Variants in PCDH11X observed in about 807,000 individuals in gnomAD.
PCDH11X encodes the protein protocadherin 11 X-linked, also known as protocadherin-11 X-linked.
PCDH11X carries 18 observed loss-of-function variants against 53.3 expected under a neutral mutation model. The ratio of observed to expected loss-of-function variants is 0.34; its 90% CI spans 0.23 to 0.50. PCDH11X has a LOEUF of 0.50. Ranked by LOEUF, PCDH11X falls within the 20% of genes least tolerant of loss-of-function variation. The pLI is 0.98. For missense variants in PCDH11X, 570 were observed against 1,032.4 expected (o/e 0.55, Z 6.14); for synonymous variants, 279 against 393.3 (o/e 0.71, Z 3.44).
chrX:91,823,173 G>A (rs1267873913), intron 4 of PCDH11X, among the ~76,000 whole-genome samples: 4 of 110,652 alleles, frequency 3.6e-5, no homozygotes, highest in South Asian at 7.8e-4. Flanking sequence ...GGAGAGTTCT[G>A]TAGATGTCTA....
chrX:92,533,473 GGA>G (rs764335372), intron 10 of PCDH11X, among the ~76,000 whole-genome samples: 1,294 of 99,404 alleles, frequency 0.013, 33 homozygotes, highest in African/African-American at 0.046. Flanking sequence ...ATTTCTAGGT[GGA>G]GAAAACAGCT....
At chrX:91,851,485 G>T (rs754692693) in intron 5 of PCDH11X, among the ~76,000 whole-genome samples, 6 of 111,432 alleles carry the variant, frequency 5.4e-5, no homozygotes, top group Admixed American at 4.8e-4. Context: ...ATTTTTATGA[G>T]TACATAGTAG....
chrX:92,308,742 A>G (rs780997073), intron 8 of PCDH11X, among the ~76,000 whole-genome samples: 1 of 111,513 alleles, frequency 9.0e-6, no homozygotes, highest in East Asian at 2.8e-4. Context: ...CATATATCTC[A>G]TAAGGAGTTG....
At chrX:92,082,141 T>C (rs1375605006) in intron 6 of PCDH11X, among the ~76,000 whole-genome samples, 1 of 111,028 alleles carries the variant, frequency 9.0e-6, no homozygotes, top group Non-Finnish European at 1.9e-5. Flanking sequence ...GACACCACAG[T>C]CTAACTCTTA....
intron 6 of PCDH11X, among the ~76,000 whole-genome samples, chrX:92,039,642 A>G (rs1409934184): frequency 8.9e-6 from 1 of 112,229 alleles, no homozygotes; most frequent in Middle Eastern, 4.2e-3. Flanking sequence ...GGGCAGGTTC[A>G]TAAATGTTAT....
intron 8 of PCDH11X, among the ~76,000 whole-genome samples, chrX:92,285,994 A>AT (rs1463931728): frequency 1.8e-5 from 2 of 112,625 alleles, no homozygotes; most frequent in Non-Finnish European, 3.8e-5. Flanking sequence ...CGCTCATGCT[A>AT]TTGTTTGTGG....
At chrX:92,464,616 A>ACACAATTTGT (rs2073122641) in intron 9 of PCDH11X, among the ~76,000 whole-genome samples, 5 of 110,919 alleles carry the variant, frequency 4.5e-5, no homozygotes, top group Non-Finnish European at 9.4e-5. Context: ...AAACTAATAC[A>ACACAATTTGT]GTAGCCTTAA....
intron 6 of PCDH11X, among the ~76,000 whole-genome samples, chrX:92,105,939 T>A (rs1488664117): frequency 2.7e-5 from 3 of 111,514 alleles, no homozygotes; most frequent in African/African-American, 9.8e-5. Context: ...AGTTAATCAT[T>A]CTTATTAGTT....
intron 6 of PCDH11X, among the ~76,000 whole-genome samples, chrX:92,107,300 T>C (rs2064405749): frequency 8.9e-6 from 1 of 112,273 alleles, no homozygotes; most frequent in Non-Finnish European, 1.9e-5. Flanking sequence ...GGCTGTGTCA[T>C]GGGCATGTCC....
At chrX:92,226,322 CA>C (rs898161820) in intron 7 of PCDH11X, among the ~76,000 whole-genome samples, 9 of 111,124 alleles carry the variant, frequency 8.1e-5, no homozygotes, top group Admixed American at 2.9e-4. Flanking sequence ...TTTGATTGGG[CA>C]AAAAGGGTAT....
At chrX:92,083,336 G>T (rs1429619012) in intron 6 of PCDH11X, among the ~76,000 whole-genome samples, 1 of 111,218 alleles carries the variant, frequency 9.0e-6, no homozygotes, top group Non-Finnish European at 1.9e-5. Flanking sequence ...TCACCCTACT[G>T]GTTAAGAGAA....
intron 10 of PCDH11X, among the ~76,000 whole-genome samples, chrX:92,553,329 G>T (rs1335378847): frequency 1.9e-5 from 2 of 107,673 alleles, no homozygotes; most frequent in Non-Finnish European, 3.9e-5. Context: ...CTTGGAATTT[G>T]TCTATTTCTT....
At chrX:92,011,381 G>A (rs35231860) in intron 6 of PCDH11X, among the ~76,000 whole-genome samples, 2,874 of 111,725 alleles carry the variant, frequency 0.026, 79 homozygotes, top group African/African-American at 0.083. Flanking sequence ...CCTCACCAAC[G>A]TGATATTTTT....
chrX:92,536,103 T>C (rs1420895582), intron 10 of PCDH11X, among the ~76,000 whole-genome samples: 1 of 108,950 alleles, frequency 9.2e-6, no homozygotes, highest in East Asian at 2.9e-4. Context: ...TTTTTCTATT[T>C]TTTTCTCTGT....
chrX:92,398,235 TA>T (rs1448899066), intron 9 of PCDH11X, among the ~76,000 whole-genome samples: 1 of 110,933 alleles, frequency 9.0e-6, no homozygotes, highest in African/African-American at 3.3e-5. Context: ...TGTGGCTAAG[TA>T]AAAAAACCTT....
At chrX:91,915,533 G>A (rs35781476) in intron 6 of PCDH11X, among the ~76,000 whole-genome samples, 15,293 of 110,284 alleles carry the variant, frequency 0.14, 856 homozygotes, top group East Asian at 0.24. Context: ...GCAACTAGGA[G>A]TAGCTATTCC....
At chrX:91,803,036 A>C (rs1463553582) in intron 1 of PCDH11X, among the ~76,000 whole-genome samples, 2 of 111,943 alleles carry the variant, frequency 1.8e-5, no homozygotes, top group Non-Finnish European at 3.8e-5. Flanking sequence ...TTCCTGAAAA[A>C]TGAAACACAG....
intron 6 of PCDH11X, among the ~76,000 whole-genome samples, chrX:91,968,292 G>A (rs1278231947): frequency 2.7e-5 from 3 of 110,140 alleles, no homozygotes; most frequent in African/African-American, 9.9e-5. Context: ...ACACTGTTAA[G>A]TACTTATATT....
intron 9 of PCDH11X, among the ~76,000 whole-genome samples, chrX:92,412,381 A>G (rs2071696399): frequency 9.3e-6 from 1 of 107,055 alleles, no homozygotes; most frequent in Admixed American, 1.0e-4. Flanking sequence ...GGCAACTTTA[A>G]AGTATGATGT....
Sources: gnomAD v4.1 joint callset for allele counts (sites outside exome capture counted in the v4.1 genomes callset) on GRCh38, gnomAD v4.1.1 for gene constraint, MANE v1.5 for transcripts, NCBI Gene and HGNC (gene_info 2026-07-23, HGNC 2026-07-21) for gene names.